PCID2: variants seen among roughly 807,000 people sequenced by gnomAD.
PCID2 encodes the protein PCI domain-containing protein 2.
Under a neutral mutation model 61.3 loss-of-function variants are expected in PCID2, and 41 were observed. The observed-to-expected ratio is 0.67, with a 90% CI of 0.52 to 0.87. The LOEUF (loss-of-function observed/expected upper bound fraction) is 0.87, where lower values mean the gene tolerates loss of function less well. PCID2 is among the 40% of genes least tolerant of loss of function. PCID2 has a pLI of 0.00. For synonymous variants in PCID2, 187 were observed against 177.8 expected (o/e 1.05, Z -0.41); for missense variants, 392 against 493.4 (o/e 0.79, Z 1.95).
intron 5 of PCID2, among the ~76,000 whole-genome samples, chr13:113,195,330 T>C (rs1200693812): frequency 6.6e-6 from 1 of 152,176 alleles, no homozygotes; most frequent in Non-Finnish European, 1.5e-5. Flanking sequence ...GGCCCCACAA[T>C]GCGGTGCTCC....
intron 5 of PCID2, among the ~76,000 whole-genome samples, chr13:113,195,633 C>A (rs545617957): frequency 6.6e-6 from 1 of 151,730 alleles, no homozygotes; most frequent in East Asian, 1.9e-4. Flanking sequence ...CGCCACTGCA[C>A]TCCAGCCTCG....
At chr13:113,172,043 C>A in the PCID2 span, 1 of 1,613,118 alleles carries the variant, frequency 6.2e-7, no homozygotes, top group Non-Finnish European at 8.5e-7. Context: ...AGGGCAGGCT[C>A]ACATGGTCCT....
chr13:113,185,760 A>T, intron 7 of PCID2, 200 bp from the exon 8 acceptor site: 1 of 445,694 alleles, frequency 2.2e-6, no homozygotes, highest in Non-Finnish European at 4.0e-6. Context: ...TGATGGGTAA[A>T]AATAAAAGAG....
chr13:113,167,397 G>A, the PCID2 span, among the ~76,000 whole-genome samples: 3 of 152,186 alleles, frequency 2.0e-5, no homozygotes, highest in African/African-American at 7.2e-5. Flanking sequence ...TTTCTCACTT[G>A]GCTCAGCATT....
At chr13:113,184,578 A>G (rs1374779319) in intron 8 of PCID2, 91 bp from the exon 9 acceptor site, 3 of 731,112 alleles carry the variant, frequency 4.1e-6, no homozygotes, top group African/African-American at 1.8e-5. Flanking sequence ...TAAAATGCAA[A>G]TTACAAAACC....
At chr13:113,208,358 C>CGACTCCGCGAT (rs1053646926) in intron 1 of PCID2, 2 of 1,432,716 alleles carry the variant, frequency 1.4e-6, no homozygotes, top group African/African-American at 2.9e-5. Context: ...TACACCGCGA[C>CGACTCCGCGAT]GACTCCGCGA....
At chr13:113,190,018 T>C (rs1449784725) in intron 7 of PCID2, among the ~76,000 whole-genome samples, 1 of 3,298 alleles carries the variant, frequency 3.0e-4, no homozygotes, top group Non-Finnish European at 0.011. Flanking sequence ...GCAAGAGTCT[T>C]GTCTCAAAAA....
At chr13:113,200,142 C>T (rs2039309081) in intron 2 of PCID2, among the ~76,000 whole-genome samples, 1 of 152,108 alleles carries the variant, frequency 6.6e-6, no homozygotes, top group Admixed American at 6.5e-5. Flanking sequence ...CAGGCCTAGA[C>T]AGAATCTAAG....
Position 113,179,007 on chromosome 13 carries a change from T to C in PCID2, c.1069A>G (p.Ile357Val). 7 of 1,613,974 alleles carry C rather than the reference T, an allele frequency of 4.3e-6. No homozygotes were observed. The highest frequency in any genetic ancestry group is 5.9e-6 in the Non-Finnish European group (7 of 1,179,894). ...GCCAGAATACACTGAACTTCGTCAA[T>C]GTCCACGTCCTCCACCTGCATGAAC... ...LKFMQVEDVDIDEVQCILANL... is the reference protein window; with the variant it reads ...LKFMQVEDVDVDEVQCILANL... The change falls in exon 13 of 14, where the codon ATT becomes GTT. Residue 357 changes from isoleucine (I) to valine (V), a missense_variant. Coordinates refer to ENST00000337344, the MANE Select transcript of PCID2 (RefSeq NM_001127202.4). The surrounding 1 kb of genome is among the most constrained non-coding windows in gnomAD (Gnocchi z 4.3).
downstream of PCID2, among the ~76,000 whole-genome samples, chr13:113,173,220 G>C (rs2037144553): frequency 6.6e-6 from 1 of 152,230 alleles, no homozygotes; most frequent in Admixed American, 6.5e-5. Flanking sequence ...AGCACGTGCT[G>C]AATCACAGTA....
At chr13:113,173,571 A>G (rs1430567779), downstream of PCID2, among the ~76,000 whole-genome samples, 3 of 152,252 alleles carry the variant, frequency 2.0e-5, no homozygotes, top group African/African-American at 7.2e-5. Context: ...ACTGTTCTTC[A>G]GCACACTCTC....
chr13:113,174,941 C>T (rs1314238451), downstream of PCID2, among the ~76,000 whole-genome samples: 1 of 152,236 alleles, frequency 6.6e-6, no homozygotes, highest in Admixed American at 6.5e-5. Flanking sequence ...TTTGCGTCTC[C>T]ACCCAAATTC....
chr13:113,171,661 T>C, the PCID2 span: 1 of 1,614,104 alleles, frequency 6.2e-7, no homozygotes, highest in Non-Finnish European at 8.5e-7. The surrounding 1 kb of genome is among the most constrained non-coding windows in gnomAD (Gnocchi z 5.1). Context: ...ACATGCGGTA[T>C]GACGCGGACG....
intron 1 of PCID2, among the ~76,000 whole-genome samples, chr13:113,205,919 T>G (rs1021888243): frequency 1.3e-5 from 2 of 152,268 alleles, no homozygotes; most frequent in Non-Finnish European, 2.9e-5. Flanking sequence ...TACTTAATTG[T>G]GTACTTTAAA....
chr13:113,201,618 T>C (rs2039434974), intron 1 of PCID2, among the ~76,000 whole-genome samples: 1 of 152,054 alleles, frequency 6.6e-6, no homozygotes, highest in South Asian at 2.1e-4. Context: ...GAGACCCTCC[T>C]GGCTAACGCA....
chr13:113,179,346 T>C lies in PCID2; in HGVS notation c.987-257A>G, dbSNP rs950016022. ...AGGTTCGGTTTTTTTTTTCACATTTTAATCTCCCTGAAATCAGGAAGCACC... is the reference window on the plus strand; with the variant it reads ...AGGTTCGGTTTTTTTTTTCACATTTCAATCTCCCTGAAATCAGGAAGCACC... On this transcript the variant is annotated intron_variant, in intron 12 of 13. Coordinates refer to ENST00000337344, the MANE Select transcript of PCID2 (RefSeq NM_001127202.4). This position sits in a 1 kb window ranked among gnomAD's most constrained non-coding sequence, Gnocchi z 4.3. Among the ~76,000 whole-genome samples the C allele has an allele frequency of 6.6e-6, 1 of 152,136 alleles. No individual in the cohort carries two copies. The highest frequency in any genetic ancestry group is 2.4e-5 in the African/African-American group (1 of 41,422).
intron 1 of PCID2, 34 bp downstream of exon 1, chr13:113,208,565 C>A (rs981731587): frequency 3.1e-6 from 5 of 1,603,624 alleles, no homozygotes; most frequent in African/African-American, 2.7e-5. Flanking sequence ...CGAGGGCCAA[C>A]CACGCCGCCG....
chr13:113,166,671 A>G, the PCID2 span, among the ~76,000 whole-genome samples: 3 of 152,210 alleles, frequency 2.0e-5, no homozygotes, highest in East Asian at 3.8e-4. Context: ...CAGCTTTGCA[A>G]ACTTCCTCTC....
intron 10 of PCID2, 26 bp downstream of exon 10, chr13:113,181,104 A>C: frequency 6.9e-7 from 1 of 1,440,866 alleles, no homozygotes; most frequent in Non-Finnish European, 9.8e-7. Flanking sequence ...ACCAGGATCT[A>C]TAAACATGGA....
Sources: gnomAD v4.1 joint callset for allele counts (sites outside exome capture counted in the v4.1 genomes callset) on GRCh38, gnomAD v4.1.1 for gene constraint, Gnocchi (gnomAD v3.1) non-coding constraint, MANE v1.5 for transcripts, NCBI Gene and HGNC (gene_info 2026-07-23, HGNC 2026-07-21) for gene names.